Variants in BBS9 observed in about 807,000 individuals in gnomAD.
BBS9 encodes the protein Bardet-Biedl syndrome 9.
BBS9 carries 89 observed loss-of-function variants against 117.7 expected under a neutral mutation model. That is an observed-to-expected ratio of 0.76 (90% CI 0.64 to 0.90). BBS9 has a LOEUF of 0.90. BBS9 is among the 40% of genes least tolerant of loss of function. The pLI, the probability that BBS9 is intolerant of heterozygous loss-of-function variation, is 0.00. For missense variants in BBS9, 982 were observed against 1,042.2 expected (o/e 0.94, Z 0.80); for synonymous variants, 379 against 370.9 (o/e 1.02, Z -0.25).
intron 1 of BBS9, among the ~76,000 whole-genome samples, chr7:33,144,286 C>T (rs1325110120): frequency 1.3e-5 from 2 of 152,140 alleles, no homozygotes; most frequent in Non-Finnish European, 2.9e-5. Flanking sequence ...ATGATTAGCT[C>T]ATGTGGAATG....
At chr7:33,489,979 A>G (rs1349760125) in intron 19 of BBS9, among the ~76,000 whole-genome samples, 1 of 152,230 alleles carries the variant, frequency 6.6e-6, no homozygotes, top group Non-Finnish European at 1.5e-5. Context: ...TAAGATAATA[A>G]TCTTGTTCTT....
intron 9 of BBS9, among the ~76,000 whole-genome samples, chr7:33,283,844 A>C (rs1467820202): frequency 6.6e-6 from 1 of 152,084 alleles, no homozygotes; most frequent in African/African-American, 2.4e-5. Context: ...AGATCACCTG[A>C]ATATTTTCAC....
intron 9 of BBS9, among the ~76,000 whole-genome samples, chr7:33,277,650 G>A (rs999693385): frequency 3.9e-5 from 6 of 152,128 alleles, no homozygotes; most frequent in African/African-American, 1.4e-4. Context: ...GAAGAGTTTG[G>A]GGTGGCTAGG....
At chr7:33,583,251 G>A (rs1305142085) in intron 21 of BBS9, among the ~76,000 whole-genome samples, 1 of 151,816 alleles carries the variant, frequency 6.6e-6, no homozygotes, top group Non-Finnish European at 1.5e-5. Context: ...TTATTTATTT[G>A]TGTTGCTTTT....
At chr7:33,439,610 C>T (rs1049925431) in intron 19 of BBS9, among the ~76,000 whole-genome samples, 4 of 148,570 alleles carry the variant, frequency 2.7e-5, no homozygotes, top group African/African-American at 1.0e-4. Flanking sequence ...CTAACTGCAA[C>T]CTCCGTCTCC....
chr7:33,362,727 T>C (rs1279637182), intron 16 of BBS9, among the ~76,000 whole-genome samples: 1 of 152,270 alleles, frequency 6.6e-6, no homozygotes, highest in African/African-American at 2.4e-5. Context: ...CTCAATTTTG[T>C]TTTGGATATT....
chr7:33,219,745 A>C (rs1426024672), intron 5 of BBS9, among the ~76,000 whole-genome samples: 1 of 152,146 alleles, frequency 6.6e-6, no homozygotes, highest in Non-Finnish European at 1.5e-5. Context: ...GGCTCTACCA[A>C]TCAATAGGAT....
intron 19 of BBS9, among the ~76,000 whole-genome samples, chr7:33,439,782 C>T (rs1835882799): frequency 6.6e-6 from 1 of 152,178 alleles, no homozygotes; most frequent in Non-Finnish European, 1.5e-5. Flanking sequence ...CTGCTTCGGC[C>T]TCCCAAAGTG....
rs143467118 is a variant in BBS9 at position 33,180,481 on chromosome 7, C to T, written c.442+2890C>T. 7.0e-3 allele frequency among the ~76,000 whole-genome samples: 1,065 copies of T among 152,018 alleles called. 9 individuals carry two copies. The highest frequency in any genetic ancestry group is 0.024 in the African/African-American group (997 of 41,440). Reference sequence around the variant, plus strand: ...GTTCAACAATTCTACCTCAGCCTCCCGAGTAGCTGGGATTACAGGCACATG... The same window carrying T: ...GTTCAACAATTCTACCTCAGCCTCCTGAGTAGCTGGGATTACAGGCACATG... On this transcript the variant is annotated intron_variant, in intron 5 of 22. Coordinates refer to ENST00000242067, the MANE Select transcript of BBS9 (RefSeq NM_198428.3).
At chr7:33,594,246 T>C (rs1862375002) in intron 21 of BBS9, among the ~76,000 whole-genome samples, 1 of 152,124 alleles carries the variant, frequency 6.6e-6, no homozygotes, top group South Asian at 2.1e-4. Flanking sequence ...TTTTCATACA[T>C]GGGTACATGC....
At chr7:33,400,004 T>A (rs1482697183) in intron 19 of BBS9, among the ~76,000 whole-genome samples, 1 of 152,154 alleles carries the variant, frequency 6.6e-6, no homozygotes, top group African/African-American at 2.4e-5. Context: ...ATAAATTGAA[T>A]GCATGCTTCT....
At chr7:33,204,906 T>C (rs1041573688) in intron 5 of BBS9, among the ~76,000 whole-genome samples, 2 of 152,234 alleles carry the variant, frequency 1.3e-5, no homozygotes, top group Non-Finnish European at 2.9e-5. Flanking sequence ...CTCTTAGTTT[T>C]TCCAGTACTT....
chr7:33,212,992 A>C (rs992781283), intron 5 of BBS9, among the ~76,000 whole-genome samples: 11 of 152,138 alleles, frequency 7.2e-5, no homozygotes, highest in Non-Finnish European at 1.3e-4. Flanking sequence ...GTGTCACCCA[A>C]GGCCTGCTGT....
At chr7:33,291,481 A>C (rs192119552) in intron 9 of BBS9, among the ~76,000 whole-genome samples, 1 of 152,286 alleles carries the variant, frequency 6.6e-6, no homozygotes, top group Non-Finnish European at 1.5e-5. Context: ...TATATATTTC[A>C]TGAAAATTCA....
At chr7:33,624,092 C>T (rs887307366) in intron 21 of BBS9, among the ~76,000 whole-genome samples, 4 of 152,030 alleles carry the variant, frequency 2.6e-5, no homozygotes, top group Non-Finnish European at 5.9e-5. Context: ...CCTCATGATT[C>T]TGATAAATTT....
At chr7:33,506,843 G>A (rs1290195730) in intron 20 of BBS9, among the ~76,000 whole-genome samples, 1 of 152,124 alleles carries the variant, frequency 6.6e-6, no homozygotes, top group South Asian at 2.1e-4. Context: ...ACAAAATTGC[G>A]ACTAAAATTG....
chr7:33,613,909 G>C (rs1865004520), intron 21 of BBS9, among the ~76,000 whole-genome samples: 1 of 152,042 alleles, frequency 6.6e-6, no homozygotes, highest in Admixed American at 6.6e-5. Flanking sequence ...AGGCTTTGAA[G>C]ACTTATGTCC....
rs559489457 is a variant in BBS9, at chr7:33,374,059, C to A, written c.1789+6197C>A. Among the ~76,000 whole-genome samples the A allele has an allele frequency of 3.3e-5, 5 of 152,250 alleles. No homozygotes were observed. In the South Asian group the frequency reaches 1.0e-3, roughly 32 times the overall value. On this transcript the variant is annotated intron_variant, in intron 17 of 22. Coordinates refer to ENST00000242067, the MANE Select transcript of BBS9 (RefSeq NM_198428.3). Reference sequence around the variant, plus strand: ...TTGTGGCTCTTGTGGAGCTCCTACACTAATGGGAGAGACAAACAGGTAAAG... The same window carrying A: ...TTGTGGCTCTTGTGGAGCTCCTACAATAATGGGAGAGACAAACAGGTAAAG...
In BBS9 at chr7:33,534,124, C is replaced by T; in HGVS notation, c.2469C>T (p.Gly823=). 6.2e-7 allele frequency: 1 copy of T among 1,614,180 alleles called. No homozygotes were observed. Among genetic ancestry groups the T allele is most frequent in the Non-Finnish European group, 8.5e-7 (1 of 1,180,044 alleles). ...TLLCDRLSKG[G]RLCLSTDAAA... ...TCTGCGATAGATTATCCAAAGGTGGCCGTCTCTGCCTAAGTACCGATGCAG... is the reference window on the plus strand; with the variant it reads ...TCTGCGATAGATTATCCAAAGGTGGTCGTCTCTGCCTAAGTACCGATGCAG... The change falls in exon 21 of 23, where the codon GGC becomes GGT. Residue 823 remains glycine, a synonymous_variant. Coordinates refer to ENST00000242067, the MANE Select transcript of BBS9 (RefSeq NM_198428.3).
Sources: gnomAD v4.1 joint callset for allele counts (sites outside exome capture counted in the v4.1 genomes callset) on GRCh38, gnomAD v4.1.1 for gene constraint, MANE v1.5 for transcripts, NCBI Gene and HGNC (gene_info 2026-07-23, HGNC 2026-07-21) for gene names.